ACOT7: variants seen among roughly 807,000 people sequenced by gnomAD.
ACOT7 encodes cytosolic acyl coenzyme A thioester hydrolase.
In ACOT7, 12 loss-of-function variants were observed where a neutral mutation model predicts 40.2. The observed-to-expected ratio is 0.30, with a 90% CI of 0.19 to 0.48. ACOT7 has a LOEUF of 0.48. ACOT7 is among the 20% of genes least tolerant of loss of function. ACOT7 has a pLI of 0.99. For synonymous variants in ACOT7, 228 were observed against 219.5 expected (o/e 1.04, Z -0.34); for missense variants, 395 against 530.8 (o/e 0.74, Z 2.51).
intron 1 of ACOT7, among the ~76,000 whole-genome samples, chr1:6,369,732 C>A (rs570589204): frequency 2.0e-5 from 3 of 152,072 alleles, no homozygotes; most frequent in Non-Finnish European, 2.9e-5. Flanking sequence ...GCGCCCACCA[C>A]CACGCCCGGC....
chr1:6,304,063 G>A (rs1375030074), intron 6 of ACOT7, among the ~76,000 whole-genome samples: 1 of 152,170 alleles, frequency 6.6e-6, no homozygotes, highest in Non-Finnish European at 1.5e-5. Flanking sequence ...CGAGCCCCCA[G>A]GCCCACCCCT....
At chr1:6,337,302 C>T (rs986001997) in intron 3 of ACOT7, among the ~76,000 whole-genome samples, 5 of 152,206 alleles carry the variant, frequency 3.3e-5, no homozygotes, top group African/African-American at 4.8e-5. Flanking sequence ...CTCATGCTCA[C>T]GCCTGCCTTG....
chr1:6,361,823 C>A (rs1256177340), intron 1 of ACOT7, among the ~76,000 whole-genome samples: 1 of 152,142 alleles, frequency 6.6e-6, no homozygotes, highest in Non-Finnish European at 1.5e-5. Flanking sequence ...AATAAATAAA[C>A]TACTAACAAC....
intron 5 of ACOT7, among the ~76,000 whole-genome samples, chr1:6,320,026 G>A (rs1020786556): frequency 1.3e-5 from 2 of 152,346 alleles, no homozygotes; most frequent in East Asian, 3.9e-4. Flanking sequence ...AGCAAGAGAG[G>A]ATAGGGGAGG....
intron 2 of ACOT7, among the ~76,000 whole-genome samples, chr1:6,348,896 G>A (rs935656955): frequency 2.0e-5 from 3 of 152,110 alleles, no homozygotes; most frequent in African/African-American, 4.8e-5. Flanking sequence ...CATTATGCCC[G>A]TGCCCATGGT....
rs1193395531 is a variant in ACOT7 at position 6,307,218 on chromosome 1, G to A, written c.712+11274C>T. 3.3e-5 allele frequency among the ~76,000 whole-genome samples: 5 copies of A among 152,236 alleles called. No individual in the cohort carries two copies. In the East Asian group the frequency reaches 7.7e-4, roughly 23 times the overall value. On this transcript the variant is annotated intron_variant, in intron 6 of 8. Coordinates refer to ENST00000361521, the MANE Select transcript of ACOT7 (RefSeq NM_007274.4). ...AGGAGGTGCCTGGTCACTGGTTCTC[G>A]AGTTAGAGAGCGGTCATTACGTGTT...
chr1:6,352,029 ACCACGGGCCTGG>A lies in ACOT7; in HGVS notation c.144-2175_144-2164del, dbSNP rs1184615828. Reference sequence around the variant, plus strand: ...ACTGCAGACCGCACGCCAGCTGGCTACCACGGGCCTGGCCGCCTTTCTTCGGCACCTTGGGTC... The same window carrying A: ...ACTGCAGACCGCACGCCAGCTGGCTACCGCCTTTCTTCGGCACCTTGGGTC... On this transcript the variant is annotated intron_variant, in intron 1 of 8. Transcript: ENST00000361521. The surrounding 1 kb of genome is among the most constrained non-coding windows in gnomAD (Gnocchi z 4.5). 3.3e-5 allele frequency among the ~76,000 whole-genome samples: 5 copies of A among 152,268 alleles called. No individual in the cohort carries two copies. The East Asian group carries it at 9.7e-4, about 29-fold the overall frequency.
At chr1:6,298,539 G>A (rs1413061190) in intron 6 of ACOT7, among the ~76,000 whole-genome samples, 1 of 152,182 alleles carries the variant, frequency 6.6e-6, no homozygotes, top group Non-Finnish European at 1.5e-5. Flanking sequence ...GAAATACCGG[G>A]AAAATAGCTG....
intron 6 of ACOT7, 34 bp from the exon 7 acceptor site, chr1:6,295,014 C>A (rs367613034): frequency 2.0e-6 from 3 of 1,514,854 alleles, no homozygotes; most frequent in Admixed American, 1.7e-5. Flanking sequence ...AGATGAGACA[C>A]GGAGGCAGAG....
At chr1:6,385,200 G>A (rs1490693681) in intron 1 of ACOT7, among the ~76,000 whole-genome samples, 2 of 151,852 alleles carry the variant, frequency 1.3e-5, no homozygotes, top group African/African-American at 2.4e-5. Flanking sequence ...CTGCTGGCTT[G>A]CAGGAGCCTT....
At position 6,304,412 on chromosome 1, in the gene ACOT7, T is replaced by A. The variant is rs1433389294; in HGVS notation, c.713-9432A>T. On this transcript the variant is annotated intron_variant, in intron 6 of 8. Transcript: ENST00000361521. ...TACGTTCTTTTTTTTTTTTTTTTTT[T>A]AATTGATAATTCTTGGGTGTTTCTC... is the stretch of plus-strand genomic sequence containing the variant. Among the ~76,000 whole-genome samples, 570 of 147,850 alleles carry A rather than the reference T, an allele frequency of 3.9e-3. 7 individuals are homozygous for A. The highest frequency in any genetic ancestry group is 0.013 in the African/African-American group (520 of 40,354).
In ACOT7 at chr1:6,308,840, C is replaced by T. The variant is rs372278857; in HGVS notation, c.712+9652G>A. ...AAAAGCGACTGGGCGGAGGGAACAG[C>T]GACCGGACAGAGGGCTCCCAGCACA... On this transcript the variant is annotated intron_variant, in intron 6 of 8. Coordinates refer to ENST00000361521, the MANE Select transcript of ACOT7 (RefSeq NM_007274.4). 1.3e-3 allele frequency among the ~76,000 whole-genome samples: 175 copies of T among 139,110 alleles called. 1 individual carries two copies. Among genetic ancestry groups the T allele is most frequent in the African/African-American group, 4.7e-3 (164 of 35,008 alleles). 91.3% of individuals were successfully genotyped at this position (139,110 alleles called of 152,430 possible). A position where few individuals can be genotyped will look rare whatever the true frequency, so the allele number is the denominator to read the frequency against.
chr1:6,380,425 C>G (rs1642312911), intron 1 of ACOT7, among the ~76,000 whole-genome samples: 1 of 151,006 alleles, frequency 6.6e-6, no homozygotes, highest in Non-Finnish European at 1.5e-5. Context: ...TGGTGAAACC[C>G]CCCGTCTCTA....
At position 6,327,321 on chromosome 1, in the gene ACOT7, G is replaced by T. The variant is rs762473178; in HGVS notation, c.603C>A (p.Ile201=). Residue 201 remains isoleucine (I), a synonymous_variant, in exon 5 of 9, where the codon ATC becomes ATA. Transcript: ENST00000361521. ...TACCTGGGTTGAGGACTGGCTGGAC[G>T]ATGTCCCCGTTCCTCCACTTGGTCT... ...RMETKWRNGD[I]VQPVLNPEPN... 2 of 1,614,148 alleles carry T rather than the reference G, an allele frequency of 1.2e-6. No homozygotes were observed. Among genetic ancestry groups the T allele is most frequent in the Non-Finnish European group, 1.7e-6 (2 of 1,180,012 alleles).
intron 2 of ACOT7, among the ~76,000 whole-genome samples, chr1:6,348,635 A>T (rs1010818441): frequency 7.9e-5 from 12 of 152,220 alleles, no homozygotes; most frequent in African/African-American, 2.4e-4. Context: ...TCTATGAACC[A>T]GGAAACAAAT....
Position 6,393,598 on chromosome 1 carries a change from C to T in ACOT7, c.-199G>A, listed in dbSNP as rs1019235068. 3.5e-5 allele frequency: 14 copies of T among 394,534 alleles called. No individual in the cohort carries two copies. Among genetic ancestry groups the T allele is most frequent in the African/African-American group, 3.0e-4 (14 of 47,282 alleles). The allele number at this position is 394,534 out of a possible 1,614,324, so 24.4% of individuals were successfully genotyped here. A position where few individuals can be genotyped will look rare whatever the true frequency, so the allele number is the denominator to read the frequency against. On this transcript the variant is annotated 5_prime_UTR_variant, in exon 1 of 9. Coordinates refer to ENST00000361521, the MANE Select transcript of ACOT7 (RefSeq NM_007274.4). ...GGCGTGGGGGCCCAGGCAGCCGCCG[C>T]TTCCAGAAGGTTCGGTGGCGGTTGG...
Position 6,279,914 on chromosome 1 carries a change from G to A in ACOT7, c.1014+1188C>T, listed in dbSNP as rs544604519. On this transcript the variant is annotated intron_variant, in intron 8 of 8. Transcript: ENST00000361521. ...CGACTCGGCGGCCCTCCTCAGCCAT[G>A]TGGGGAAGCGACAGGCCGTGCTCCA... 2.0e-5 allele frequency among the ~76,000 whole-genome samples: 3 copies of A among 152,344 alleles called. No homozygotes were observed. The East Asian group carries it at 5.8e-4, about 29-fold the overall frequency.
At chr1:6,326,267 C>T (rs978012376) in intron 5 of ACOT7, among the ~76,000 whole-genome samples, 4 of 152,210 alleles carry the variant, frequency 2.6e-5, no homozygotes, top group East Asian at 1.9e-4. Context: ...TGCCTGCCCC[C>T]GAGGGCTCAC....
At position 6,265,293 on chromosome 1, in the gene ACOT7, C is replaced by T. The variant is rs79243411; in HGVS notation, c.1015-598G>A. ...AGCCAGCTGCACACGGTCACCGCCCCGGAGAGAAGTGGGGAAAGCCAGCTG... is the reference window on the plus strand; with the variant it reads ...AGCCAGCTGCACACGGTCACCGCCCTGGAGAGAAGTGGGGAAAGCCAGCTG... On this transcript the variant is annotated intron_variant, in intron 8 of 8. Transcript: ENST00000361521. Among the ~76,000 whole-genome samples the T allele has an allele frequency of 6.9e-3, 1,052 of 152,218 alleles. 14 individuals carry two copies. The highest frequency in any genetic ancestry group is 0.026 in the South Asian group (123 of 4,816).
Sources: gnomAD v4.1 joint callset for allele counts (sites outside exome capture counted in the v4.1 genomes callset) on GRCh38, gnomAD v4.1.1 for gene constraint, Gnocchi (gnomAD v3.1) non-coding constraint, MANE v1.5 for transcripts, NCBI Gene and HGNC (gene_info 2026-07-23, HGNC 2026-07-21) for gene names.